The following ARHGAP10 variants were observed in gnomAD, a reference collection of about 807,000 sequenced individuals.
ARHGAP10 encodes rho GTPase-activating protein 10.
In ARHGAP10, 87 loss-of-function variants were observed where a neutral mutation model predicts 108.6. That is an observed-to-expected ratio of 0.80 (90% CI 0.67 to 0.96). The LOEUF (loss-of-function observed/expected upper bound fraction) is 0.96. Ranked by LOEUF, ARHGAP10 falls within the 40% of genes least tolerant of loss-of-function variation. The pLI is 0.00. For synonymous variants in ARHGAP10, 347 were observed against 341.1 expected (o/e 1.02, Z -0.19); for missense variants, 939 against 954.5 (o/e 0.98, Z 0.21).
chr4:148,052,438 T>C (rs1236695486), intron 20 of ARHGAP10, among the ~76,000 whole-genome samples: 6 of 136,226 alleles, frequency 4.4e-5, no homozygotes, highest in Non-Finnish European at 9.2e-5. Flanking sequence ...AATGAACATA[T>C]ACTGCTTTTG....
Position 147,798,722 on chromosome 4 carries a change from ACACTCT to A in ARHGAP10, c.155-24003_155-23998del, listed in dbSNP as rs1323237246. On this transcript the variant is annotated intron_variant, in intron 1 of 22. Coordinates refer to ENST00000336498, the MANE Select transcript of ARHGAP10 (RefSeq NM_024605.4). ...CATTACGTGAGGTCAGGAGTTTGAGACACTCTCTCTCTCTCTCTCTCTCTCTCTCTC... is the reference window on the plus strand; with the variant it reads ...CATTACGTGAGGTCAGGAGTTTGAGACTCTCTCTCTCTCTCTCTCTCTCTC... Among the ~76,000 whole-genome samples the A allele has an allele frequency of 1.2e-3, 127 of 107,370 alleles. 10 individuals are homozygous for A. The highest frequency in any genetic ancestry group is 5.4e-3 in the African/African-American group (101 of 18,728). The allele number at this position is 107,370 out of a possible 152,430, so 70.4% of individuals were successfully genotyped here. A position where few individuals can be genotyped will look rare whatever the true frequency, so the allele number is the denominator to read the frequency against.
chr4:147,865,302 A>G (rs888789447), intron 6 of ARHGAP10: 1 of 170,148 alleles, frequency 5.9e-6, no homozygotes, highest in Non-Finnish European at 1.3e-5. Context: ...GGTTGTTTAT[A>G]CCGGTTCAAA....
At chr4:147,746,025 T>C (rs1036990308) in intron 1 of ARHGAP10, among the ~76,000 whole-genome samples, 2 of 151,832 alleles carry the variant, frequency 1.3e-5, no homozygotes, top group Non-Finnish European at 2.9e-5. Flanking sequence ...CCTGACCTCG[T>C]GATCTTCCCG....
chr4:148,052,279 A>G (rs59378015), intron 20 of ARHGAP10, among the ~76,000 whole-genome samples: 1,927 of 134,258 alleles, frequency 0.014, 52 homozygotes, highest in African/African-American at 0.052. Context: ...CAACCCCAGC[A>G]CTCCTTGAGG....
chr4:147,734,177 T>A (rs934743266), intron 1 of ARHGAP10, among the ~76,000 whole-genome samples: 1 of 152,108 alleles, frequency 6.6e-6, no homozygotes, highest in East Asian at 1.9e-4. Flanking sequence ...AGTAGTTCCC[T>A]CTGGAGCTAG....
chr4:148,056,641 A>G (rs577416741), intron 20 of ARHGAP10, among the ~76,000 whole-genome samples: 1 of 150,026 alleles, frequency 6.7e-6, no homozygotes, highest in Admixed American at 6.7e-5. Flanking sequence ...CAGTACTGTT[A>G]ACTAAACCAC....
chr4:147,822,596 G>T (rs1352302700), intron 1 of ARHGAP10, 131 bp from the exon 2 acceptor site: 2 of 886,178 alleles, frequency 2.3e-6, no homozygotes, highest in East Asian at 2.6e-5. Context: ...TGGCAAGGGA[G>T]TTGGGTCATG....
At chr4:147,756,599 T>A (rs890483406) in intron 1 of ARHGAP10, among the ~76,000 whole-genome samples, 1 of 152,212 alleles carries the variant, frequency 6.6e-6, no homozygotes, top group Non-Finnish European at 1.5e-5. Flanking sequence ...TCATGTGCCA[T>A]CCTGCTCCAT....
In ARHGAP10 at chr4:147,737,398, G is replaced by A. The variant is rs559287075; in HGVS notation, c.154+4943G>A. Among the ~76,000 whole-genome samples, 8 of 148,666 alleles carry A rather than the reference G, an allele frequency of 5.4e-5. No homozygotes were observed. The South Asian group carries it at 1.5e-3, about 27-fold the overall frequency. Reference sequence around the variant, plus strand: ...TTGAACTCCTGGCCTCATGTGATCCGTCCACCTCGGCCTCCCAAAGTGCTG... The same window carrying A: ...TTGAACTCCTGGCCTCATGTGATCCATCCACCTCGGCCTCCCAAAGTGCTG... On this transcript the variant is annotated intron_variant, in intron 1 of 22. Coordinates refer to ENST00000336498, the MANE Select transcript of ARHGAP10 (RefSeq NM_024605.4).
intron 1 of ARHGAP10, among the ~76,000 whole-genome samples, chr4:147,763,414 C>T (rs1045605624): frequency 7.3e-5 from 11 of 151,162 alleles, no homozygotes; most frequent in Non-Finnish European, 1.3e-4. Flanking sequence ...TGGGTTCAAG[C>T]GATTCTCCTG....
At chr4:148,014,481 A>G (rs887787075) in intron 18 of ARHGAP10, among the ~76,000 whole-genome samples, 1 of 152,250 alleles carries the variant, frequency 6.6e-6, no homozygotes, top group Non-Finnish European at 1.5e-5. Flanking sequence ...CTTTGGCTTA[A>G]TCAGGAGAGG....
chr4:147,757,190 CTTTTTTT>C (rs763282506), intron 1 of ARHGAP10, among the ~76,000 whole-genome samples: 16 of 115,624 alleles, frequency 1.4e-4, no homozygotes, highest in African/African-American at 5.3e-4. Flanking sequence ...ACAGTCTAGC[CTTTTTTT>C]TTTTTTTTTT....
chr4:147,939,019 T>A (rs1738064815), intron 13 of ARHGAP10, among the ~76,000 whole-genome samples: 1 of 152,254 alleles, frequency 6.6e-6, no homozygotes, highest in Admixed American at 6.5e-5. Flanking sequence ...AAAGCAAATG[T>A]AAGGTTACTT....
intron 1 of ARHGAP10, among the ~76,000 whole-genome samples, chr4:147,756,685 T>C (rs1409452056): frequency 2.0e-5 from 3 of 152,136 alleles, no homozygotes; most frequent in African/African-American, 7.2e-5. Context: ...AGAAATAGTG[T>C]ATATAAGGTT....
intron 20 of ARHGAP10, among the ~76,000 whole-genome samples, chr4:148,054,799 G>A (rs1202597433): frequency 1.3e-5 from 2 of 152,174 alleles, no homozygotes; most frequent in East Asian, 3.8e-4. Flanking sequence ...CGTATACCCA[G>A]GTAGCTCACC....
At chr4:147,913,227 T>C (rs768436443) in intron 13 of ARHGAP10, 88 bp downstream of exon 13, 58 of 1,207,734 alleles carry the variant, frequency 4.8e-5, no homozygotes, top group Non-Finnish European at 6.5e-5. Context: ...TTTTAAGTGT[T>C]ACAGAATGAA....
In ARHGAP10 at chr4:147,939,905, C is replaced by T. The variant is rs1367174387; in HGVS notation, c.1303+6C>T. On this transcript the variant is annotated splice_donor_region_variant and intron_variant, in intron 14 of 22. Coordinates refer to ENST00000336498, the MANE Select transcript of ARHGAP10 (RefSeq NM_024605.4). ...ACTTCTGAGTATGTTGATGGGTATG[C>T]CTCTTTTCTAATCATTTTTCCATGT... The T allele has an allele frequency of 4.3e-6, 7 of 1,609,214 alleles. 1 individual carries two copies. In the Admixed American group the frequency reaches 5.0e-5, roughly 12 times the overall value.
chr4:147,936,152 T>C (rs1016439570), intron 13 of ARHGAP10, among the ~76,000 whole-genome samples: 1 of 152,142 alleles, frequency 6.6e-6, no homozygotes, highest in East Asian at 1.9e-4. Context: ...TCTGGTATTT[T>C]AAACTATCTG....
At chr4:147,781,938 A>G (rs1465455165) in intron 1 of ARHGAP10, among the ~76,000 whole-genome samples, 1 of 152,120 alleles carries the variant, frequency 6.6e-6, no homozygotes. Flanking sequence ...GAGTTTCCAC[A>G]TTGGAAAACT....
Sources: allele counts gnomAD v4.1 joint callset (sites outside exome capture counted in the v4.1 genomes callset), GRCh38; gene constraint gnomAD v4.1.1; transcripts MANE v1.5; gene names NCBI Gene and HGNC (gene_info 2026-07-23, HGNC 2026-07-21).